Variants in ESRRB observed in about 807,000 individuals in gnomAD.
The protein encoded by ESRRB is estrogen related receptor beta, also known as steroid hormone receptor ERR2.
In ESRRB, 16 loss-of-function variants were observed where a neutral mutation model predicts 46.0. The ratio of observed to expected loss-of-function variants is 0.35; its 90% confidence interval spans 0.24 to 0.53. The LOEUF (loss-of-function observed/expected upper bound fraction) is 0.53, where lower values mean the gene tolerates loss of function less well. Among genes scored for constraint, ESRRB ranks in the 20% least tolerant of loss-of-function variants. The pLI is 0.93. For synonymous variants in ESRRB, 246 were observed against 259.6 expected (o/e 0.95, Z 0.50); for missense variants, 488 against 607.4 (o/e 0.80, Z 2.07).
chr14:76,350,634 A>T (rs1884302840), intron 1 of ESRRB, among the ~76,000 whole-genome samples: 1 of 152,196 alleles, frequency 6.6e-6, no homozygotes, highest in South Asian at 2.1e-4. Flanking sequence ...GCAAATCAAT[A>T]TTCTGTCTCC....
intron 1 of ESRRB, among the ~76,000 whole-genome samples, chr14:76,419,311 G>A (rs1015121460): frequency 2.0e-4 from 30 of 152,154 alleles, no homozygotes; most frequent in Admixed American, 8.5e-4. Context: ...CACCGCACAC[G>A]GCTGAGAGTC....
At position 76,500,191 on chromosome 14, in the gene ESRRB, G is replaced by A. The variant is rs981107802; in HGVS notation, c.*1733G>A. 5.4e-5 allele frequency: 41 copies of A among 761,430 alleles called. No individual in the cohort carries two copies. The highest frequency in any genetic ancestry group is 7.8e-5 in the Non-Finnish European group (37 of 471,532). The allele number at this position is 761,430 out of a possible 1,614,324, so 47.2% of individuals were successfully genotyped here. Reference sequence around the variant, plus strand: ...GTCATCCCAGACAGGAGGGAGGGCTGGCTGAAATCCACAAACTGCAGAGCA... The same window carrying A: ...GTCATCCCAGACAGGAGGGAGGGCTAGCTGAAATCCACAAACTGCAGAGCA... On this transcript the variant is annotated 3_prime_UTR_variant, in exon 7 of 7. Transcript: ENST00000644823.
At chr14:76,361,242 T>A (rs184578725) in intron 1 of ESRRB, among the ~76,000 whole-genome samples, 1 of 152,180 alleles carries the variant, frequency 6.6e-6, no homozygotes. Flanking sequence ...ACTCATGTGC[T>A]TATCCACCTG....
intron 6 of ESRRB, among the ~76,000 whole-genome samples, chr14:76,493,196 C>T (rs538077010): frequency 6.6e-6 from 1 of 152,254 alleles, no homozygotes; most frequent in African/African-American, 2.4e-5. Context: ...ACTCTGTGGC[C>T]TGGGCTGGCG....
In ESRRB at chr14:76,499,618, C is replaced by A; in HGVS notation, c.*1160C>A. ...GGGGTGCCCTCCTACCACACTTGGG[C>A]TACCAGAGGTTTGGTGTAGCTCCCC... On this transcript the variant is annotated 3_prime_UTR_variant, in exon 7 of 7. Transcript: ENST00000644823. 1.7e-6 allele frequency: 1 copy of A among 571,602 alleles called. No homozygotes were observed. Among genetic ancestry groups the A allele is most frequent in the Non-Finnish European group, 3.2e-6 (1 of 316,428 alleles). 35.4% of individuals were successfully genotyped at this position (571,602 alleles called of 1,614,324 possible).
At chr14:76,479,239 G>GTGCC (rs1889707548) in intron 3 of ESRRB, among the ~76,000 whole-genome samples, 1 of 94,048 alleles carries the variant, frequency 1.1e-5, no homozygotes, top group South Asian at 4.3e-4. Context: ...GTGTGTACGT[G>GTGCC]TGCATGCGTG....
intron 1 of ESRRB, among the ~76,000 whole-genome samples, chr14:76,403,323 TACCCTGATTCCC>T (rs1886021216): frequency 6.6e-6 from 1 of 152,222 alleles, no homozygotes; most frequent in Admixed American, 6.5e-5. Flanking sequence ...TTAACCACTC[TACCCTGATTCCC>T]ACTGTGTGGC....
At chr14:76,393,967 ATTTTTTTTTTT>A (rs71122531) in intron 1 of ESRRB, among the ~76,000 whole-genome samples, 12,346 of 127,026 alleles carry the variant, frequency 0.097, 730 homozygotes, top group Admixed American at 0.16. Context: ...TGCCTGGCTA[ATTTTTTTTTTT>A]TTTTTTTTTG....
chr14:76,460,862 C>G (rs943110335), intron 2 of ESRRB, among the ~76,000 whole-genome samples: 2 of 146,264 alleles, frequency 1.4e-5, no homozygotes, highest in African/African-American at 5.5e-5. Context: ...CCCCTATGCC[C>G]AACTAATTTT....
At chr14:76,354,317 T>C (rs1294036193) in intron 1 of ESRRB, among the ~76,000 whole-genome samples, 1 of 149,726 alleles carries the variant, frequency 6.7e-6, no homozygotes, top group Non-Finnish European at 1.5e-5. Flanking sequence ...GTGGGGCTGC[T>C]GACAGCAGAG....
intron 1 of ESRRB, among the ~76,000 whole-genome samples, chr14:76,361,797 G>A (rs1391442123): frequency 6.6e-6 from 1 of 152,226 alleles, no homozygotes; most frequent in African/African-American, 2.4e-5. Flanking sequence ...TGATGGATCA[G>A]GCATTGGGTT....
At chr14:76,495,333 C>T (rs1330089380) in intron 6 of ESRRB, 1 of 152,090 alleles carries the variant, frequency 6.6e-6, no homozygotes, top group Non-Finnish European at 1.5e-5. Flanking sequence ...AGAGAGCCAT[C>T]CTGCAGTTGG....
At chr14:76,467,519 A>G (rs1889170028) in intron 3 of ESRRB, among the ~76,000 whole-genome samples, 1 of 151,694 alleles carries the variant, frequency 6.6e-6, no homozygotes, top group South Asian at 2.1e-4. Flanking sequence ...AAAAAAAAAA[A>G]AAATTCTAGT....
chr14:76,379,817 C>T (rs1163849828), intron 1 of ESRRB, among the ~76,000 whole-genome samples: 1 of 135,444 alleles, frequency 7.4e-6, no homozygotes, highest in South Asian at 2.4e-4. Context: ...AGAAACAATC[C>T]TTTATTTTGC....
At chr14:76,324,220 G>A (rs999574101) in intron 1 of ESRRB, among the ~76,000 whole-genome samples, 5 of 152,186 alleles carry the variant, frequency 3.3e-5, no homozygotes, top group African/African-American at 1.2e-4. Context: ...GAGCATAAAT[G>A]ACGCTGCAGA....
intron 1 of ESRRB, among the ~76,000 whole-genome samples, chr14:76,327,992 G>A (rs1343202259): frequency 6.6e-6 from 1 of 152,106 alleles, no homozygotes; most frequent in Non-Finnish European, 1.5e-5. Context: ...GGGGTTACAG[G>A]CGTGAGCCAC....
intron 1 of ESRRB, among the ~76,000 whole-genome samples, chr14:76,414,611 A>T (rs1195452966): frequency 6.7e-6 from 1 of 148,838 alleles, no homozygotes; most frequent in Admixed American, 6.7e-5. Flanking sequence ...CACAGAAATA[A>T]TCAAATTTTA....
chr14:76,352,766 G>T (rs974477234), intron 1 of ESRRB, among the ~76,000 whole-genome samples: 3 of 152,234 alleles, frequency 2.0e-5, no homozygotes, highest in African/African-American at 7.2e-5. Flanking sequence ...CTCGGCCCCG[G>T]TTGCTCTGAG....
chr14:76,440,657 TTTCC>T lies in ESRRB; in HGVS notation c.460+930_460+933del, dbSNP rs566921340. On this transcript the variant is annotated intron_variant, in intron 2 of 6. Transcript: ENST00000644823. ...CCTATCTTTTAAGACCTGTATTTTC[TTTCC>T]TTCCTTCCTTCCTTCCTTCCTTTCT... is the stretch of plus-strand genomic sequence containing the variant. 7.4e-3 allele frequency among the ~76,000 whole-genome samples: 1,122 copies of T among 151,556 alleles called. 4 individuals carry two copies. The highest frequency in any genetic ancestry group is 0.017 in the Middle Eastern group (5 of 292).
Sources: allele counts gnomAD v4.1 joint callset (sites outside exome capture counted in the v4.1 genomes callset), GRCh38; gene constraint gnomAD v4.1.1; transcripts MANE v1.5; gene names NCBI Gene and HGNC (gene_info 2026-07-23, HGNC 2026-07-21).